Variants in CDK13 observed in about 807,000 individuals in gnomAD.
CDK13 encodes the protein cyclin dependent kinase 13.
CDK13 carries 40 observed loss-of-function variants against 137.6 expected under a neutral mutation model. That is an observed-to-expected ratio of 0.29 (90% CI 0.23 to 0.38). The LOEUF (loss-of-function observed/expected upper bound fraction) is 0.38. Among genes scored for constraint, CDK13 ranks in the 10% least tolerant of loss-of-function variants. The pLI, the probability that CDK13 is intolerant of heterozygous loss-of-function variation, is 1.00. For missense variants in CDK13, 1,704 were observed against 1,951.8 expected (o/e 0.87, Z 2.39); for synonymous variants, 869 against 760.1 (o/e 1.14, Z -2.36).
chr7:40,052,755 T>C (rs2150520853), intron 7 of CDK13, among the ~76,000 whole-genome samples: 1 of 152,300 alleles, frequency 6.6e-6, no homozygotes, highest in Middle Eastern at 3.4e-3. Context: ...AGGAAGATAG[T>C]ATTACCATAT....
chr7:40,007,332 C>G (rs562708528), intron 5 of CDK13, among the ~76,000 whole-genome samples: 23 of 152,272 alleles, frequency 1.5e-4, no homozygotes, highest in Non-Finnish European at 2.2e-4. Flanking sequence ...TGTGTACTCT[C>G]TGATTCCCAA....
At chr7:40,050,394 A>G (rs568003793) in intron 7 of CDK13, among the ~76,000 whole-genome samples, 3 of 150,886 alleles carry the variant, frequency 2.0e-5, no homozygotes, top group South Asian at 2.1e-4. Flanking sequence ...TAAGAAGCAT[A>G]TGTATTTTAT....
chr7:40,072,753 A>G (rs1372482972), intron 9 of CDK13: 1 of 152,242 alleles, frequency 6.6e-6, no homozygotes, highest in African/African-American at 2.4e-5. Context: ...ACAAGTGGAA[A>G]ATACAGCATT....
At chr7:40,001,172 TA>T (rs1219265059) in intron 4 of CDK13, among the ~76,000 whole-genome samples, 3 of 151,554 alleles carry the variant, frequency 2.0e-5, no homozygotes, top group Admixed American at 2.0e-4. Context: ...CTCGTTTACT[TA>T]AAAAAAATAA....
intron 5 of CDK13, among the ~76,000 whole-genome samples, chr7:40,018,960 CAA>C (rs1785059228): frequency 6.6e-6 from 1 of 152,050 alleles, no homozygotes; most frequent in African/African-American, 2.4e-5. Flanking sequence ...TTTATAATAA[CAA>C]AACGTTAGCA....
At chr7:40,035,618 C>T (rs1785464607) in intron 5 of CDK13, among the ~76,000 whole-genome samples, 1 of 151,164 alleles carries the variant, frequency 6.6e-6, no homozygotes, top group Non-Finnish European at 1.5e-5. Context: ...CAGATGGGAC[C>T]ATCTAGTTGC....
chr7:39,970,017 CTTT>C (rs869070174), intron 1 of CDK13, among the ~76,000 whole-genome samples: 10 of 136,662 alleles, frequency 7.3e-5, no homozygotes, highest in Admixed American at 1.5e-4. Flanking sequence ...GTGATTTATG[CTTT>C]TTTTTTTTTT....
At chr7:39,953,147 G>A (rs1161610837) in intron 1 of CDK13, among the ~76,000 whole-genome samples, 1 of 152,198 alleles carries the variant, frequency 6.6e-6, no homozygotes, top group Non-Finnish European at 1.5e-5. Flanking sequence ...GTAAAGGTGT[G>A]ATGTTTATAG....
Position 40,099,106 on chromosome 7 carries a change from A to T in CDK13, c.*4126A>T, listed in dbSNP as rs1480079291. ...CAAAAAAATACTTTCAGGGTTTTGT[A>T]ATTTCAAGTGGTTTTTTAAGGGGAG... On this transcript the variant is annotated 3_prime_UTR_variant, in exon 14 of 14. Coordinates refer to ENST00000181839, the MANE Select transcript of CDK13 (RefSeq NM_003718.5). 6.6e-6 allele frequency: 1 copy of T among 151,936 alleles called. No individual in the cohort carries two copies. Among genetic ancestry groups the T allele is most frequent in the Non-Finnish European group, 1.5e-5 (1 of 67,944 alleles). 9.4% of individuals were successfully genotyped at this position (151,936 alleles called of 1,614,324 possible).
chr7:39,951,790 C>T lies in CDK13; in HGVS notation c.1149C>T (p.Ser383=), dbSNP rs575289888. The change falls in exon 1 of 14, where the codon TCC becomes TCT. Residue 383 remains serine (S), a synonymous_variant. Coordinates refer to ENST00000181839, the MANE Select transcript of CDK13 (RefSeq NM_003718.5). The stretch of plus-strand genomic sequence containing the variant: ...CCTACGAGCGGGGCGGCGACGTGTC[C>T]CCTAGTCCCTACAGCAGCAGCAGCT... ...HSSYERGGDV[S]PSPYSSSSWR... 66 of 1,470,484 alleles carry T rather than the reference C, an allele frequency of 4.5e-5. No homozygotes were observed. The South Asian group carries it at 8.4e-4, about 19-fold the overall frequency. 91.1% of individuals were successfully genotyped at this position (1,470,484 alleles called of 1,614,324 possible).
chr7:40,063,523 G>T (rs1014736309), intron 9 of CDK13, among the ~76,000 whole-genome samples: 1 of 152,194 alleles, frequency 6.6e-6, no homozygotes, highest in Admixed American at 6.5e-5. Context: ...GTCTATATAT[G>T]TGTGTATACA....
intron 12 of CDK13, among the ~76,000 whole-genome samples, chr7:40,090,293 A>C (rs1044106336): frequency 1.3e-5 from 2 of 152,022 alleles, no homozygotes; most frequent in African/African-American, 4.8e-5. Context: ...TTTGTTGTTA[A>C]TTTGCTCTAA....
intron 5 of CDK13, among the ~76,000 whole-genome samples, chr7:40,033,446 T>A (rs1321116785): frequency 6.6e-6 from 1 of 152,208 alleles, no homozygotes; most frequent in African/African-American, 2.4e-5. Flanking sequence ...TGTTTTAGCG[T>A]GCTTTAAAAT....
At chr7:40,047,763 G>T in intron 6 of CDK13, 58 bp from the exon 7 acceptor site, 1 of 1,113,108 alleles carries the variant, frequency 9.0e-7, no homozygotes. Context: ...ATATAAATGT[G>T]TATTGTCAAT....
intron 5 of CDK13, among the ~76,000 whole-genome samples, chr7:40,035,095 A>G (rs1371949824): frequency 6.6e-6 from 1 of 152,158 alleles, no homozygotes; most frequent in Non-Finnish European, 1.5e-5. Flanking sequence ...TTTTGATACT[A>G]ATATTTTTCT....
intron 5 of CDK13, among the ~76,000 whole-genome samples, chr7:40,005,128 T>C (rs528580581): frequency 1.3e-5 from 2 of 150,858 alleles, no homozygotes; most frequent in South Asian, 4.2e-4. Context: ...GAGCCGAGAT[T>C]GCACCATTGC....
At position 39,987,465 on chromosome 7, in the gene CDK13, A is replaced by G. The variant is rs564236935; in HGVS notation, c.1212-134A>G. The G allele has an allele frequency of 1.6e-5, 13 of 813,844 alleles. No homozygotes were observed. The South Asian group carries it at 3.6e-4, about 22-fold the overall frequency. The allele number at this position is 813,844 out of a possible 1,614,324, so 50.4% of individuals were successfully genotyped here. A position where few individuals can be genotyped will look rare whatever the true frequency, so the allele number is the denominator to read the frequency against. ...TACTTTAAAGAAATTTTTATTTTTC[A>G]AAACTTCAAAAATGTAACTTTGAAA... On this transcript the variant is annotated intron_variant, in intron 1 of 13. Transcript: ENST00000181839.
At chr7:40,045,456 AAGC>A (rs1306646446) in intron 5 of CDK13, among the ~76,000 whole-genome samples, 77 of 150,790 alleles carry the variant, frequency 5.1e-4, no homozygotes, top group Middle Eastern at 3.4e-3. Flanking sequence ...TTTTAATTAA[AAGC>A]AGTTCTTTTA....
chr7:40,059,618 A>G (rs1353243662), intron 7 of CDK13, among the ~76,000 whole-genome samples: 1 of 152,150 alleles, frequency 6.6e-6, no homozygotes. Flanking sequence ...CGGCCTCCCA[A>G]AGTGCTGGGA....
Sources: allele counts gnomAD v4.1 joint callset (sites outside exome capture counted in the v4.1 genomes callset), GRCh38; gene constraint gnomAD v4.1.1; transcripts MANE v1.5; gene names NCBI Gene and HGNC (gene_info 2026-07-23, HGNC 2026-07-21).